RBFOX1: variants seen among roughly 807,000 people sequenced by gnomAD.
The protein encoded by RBFOX1 is RNA binding fox-1 homolog 1, also known as RNA binding protein fox-1 homolog 1.
In RBFOX1, 8 loss-of-function variants were observed where a neutral mutation model predicts 57.7. The observed-to-expected ratio is 0.14, with a 90% CI of 0.08 to 0.25. The LOEUF is 0.25. Ranked by LOEUF, RBFOX1 falls within the 10% of genes least tolerant of loss-of-function variation. RBFOX1 has a pLI of 1.00. For missense variants in RBFOX1, 611 were observed against 548.5 expected, an observed-to-expected ratio of 1.11 and a Z score of -1.14; for synonymous variants, 326 against 222.4, an observed-to-expected ratio of 1.47 and a Z score of -4.15.
intron 3 of RBFOX1, among the ~76,000 whole-genome samples, chr16:6,806,272 C>A (rs888717712): frequency 6.6e-6 from 1 of 152,056 alleles, no homozygotes; most frequent in East Asian, 1.9e-4. Context: ...CTTTTCCTTC[C>A]TGAAAGTCAT....
At position 7,639,081 on chromosome 16, in the gene RBFOX1, G is replaced by C. The variant is rs569008190; in HGVS notation, c.757+8398G>C. The stretch of plus-strand genomic sequence containing the variant: ...GATTTAAATGATACAAAATGATCTT[G>C]ACTTAAATTTGATCAAGATACAGGA... On this transcript the variant is annotated intron_variant, in intron 11 of 15. Coordinates refer to ENST00000550418, the MANE Select transcript of RBFOX1 (RefSeq NM_018723.4). 2.0e-5 allele frequency among the ~76,000 whole-genome samples: 3 copies of C among 152,212 alleles called. No individual in the cohort carries two copies. In the East Asian group the frequency reaches 5.8e-4, roughly 29 times the overall value.
At chr16:6,789,490 T>A (rs2082536904) in intron 3 of RBFOX1, among the ~76,000 whole-genome samples, 1 of 152,096 alleles carries the variant, frequency 6.6e-6, no homozygotes, top group Non-Finnish European at 1.5e-5. Flanking sequence ...AGAGAAGCAG[T>A]CATTTCATTC....
chr16:7,538,748 G>C (rs1482526216), intron 5 of RBFOX1, among the ~76,000 whole-genome samples: 3 of 152,124 alleles, frequency 2.0e-5, no homozygotes, highest in Non-Finnish European at 4.4e-5. Flanking sequence ...GTAGAGATCA[G>C]CTTGGTACAT....
At chr16:6,978,329 G>A (rs1464800970) in intron 3 of RBFOX1, among the ~76,000 whole-genome samples, 1 of 152,142 alleles carries the variant, frequency 6.6e-6, no homozygotes, top group African/African-American at 2.4e-5. Flanking sequence ...TTTTATCCCG[G>A]TGCTCTATTT....
At chr16:6,615,405 A>G (rs1240103893) in intron 2 of RBFOX1, among the ~76,000 whole-genome samples, 2 of 152,116 alleles carry the variant, frequency 1.3e-5, no homozygotes, top group African/African-American at 2.4e-5. Flanking sequence ...CCCCGTCTCT[A>G]CTAAAAATAC....
At chr16:6,123,789 C>T (rs2096568822) in intron 1 of RBFOX1, among the ~76,000 whole-genome samples, 1 of 152,158 alleles carries the variant, frequency 6.6e-6, no homozygotes. Flanking sequence ...CCTGTAATCC[C>T]AGCTCCTCAG....
intron 1 of RBFOX1, among the ~76,000 whole-genome samples, chr16:5,431,965 G>C (rs1267936929): frequency 6.6e-6 from 1 of 152,134 alleles, no homozygotes; most frequent in African/African-American, 2.4e-5. Context: ...GGGGTGTTGA[G>C]GGGGGTGTCT....
At chr16:5,715,415 C>A (rs1009613784) in intron 3 of RBFOX1, among the ~76,000 whole-genome samples, 3 of 152,136 alleles carry the variant, frequency 2.0e-5, no homozygotes, top group Non-Finnish European at 4.4e-5. Context: ...TTGACATGCA[C>A]CACATTGAAG....
intron 14 of RBFOX1, among the ~76,000 whole-genome samples, chr16:7,706,812 G>T (rs2082604389): frequency 6.6e-6 from 1 of 152,132 alleles, no homozygotes; most frequent in Admixed American, 6.6e-5. Context: ...CAGTACCAAG[G>T]TTATAGTTTT....
intron 4 of RBFOX1, among the ~76,000 whole-genome samples, chr16:7,308,796 C>G (rs1454791454): frequency 6.6e-6 from 1 of 152,192 alleles, no homozygotes; most frequent in African/African-American, 2.4e-5. Context: ...GGGAGGGTGG[C>G]CCCATGCACC....
At chr16:5,474,365 C>G (rs1054440439) in intron 2 of RBFOX1, among the ~76,000 whole-genome samples, 4 of 152,122 alleles carry the variant, frequency 2.6e-5, no homozygotes, top group African/African-American at 7.2e-5. Flanking sequence ...AAAAAATACC[C>G]CTGGACGGCT....
intron 3 of RBFOX1, among the ~76,000 whole-genome samples, chr16:6,677,825 C>T (rs930031627): frequency 6.6e-6 from 1 of 152,118 alleles, no homozygotes; most frequent in African/African-American, 2.4e-5. Flanking sequence ...TTTTATGTAT[C>T]TACCAGTGAC....
At chr16:6,440,964 G>A (rs567067243) in intron 2 of RBFOX1, among the ~76,000 whole-genome samples, 11 of 152,286 alleles carry the variant, frequency 7.2e-5, no homozygotes, top group African/African-American at 2.6e-4. Context: ...GGTCTAGGCT[G>A]CGTCTGTGGA....
At position 6,487,066 on chromosome 16, in the gene RBFOX1, A is replaced by G. The variant is rs1384151246; in HGVS notation, c.-63-167537A>G. On this transcript the variant is annotated intron_variant, in intron 2 of 15. Coordinates refer to ENST00000550418, the MANE Select transcript of RBFOX1 (RefSeq NM_018723.4). ...ATTCAGCAACTATAATGTCCCAAAC[A>G]GTTTTCAGGGTGTGTTTTTATTAAG... Among the ~76,000 whole-genome samples the G allele has an allele frequency of 3.9e-5, 6 of 151,920 alleles. No individual in the cohort carries two copies. In the East Asian group the frequency reaches 9.6e-4, roughly 24 times the overall value.
intron 4 of RBFOX1, among the ~76,000 whole-genome samples, chr16:7,462,371 T>C (rs1183140154): frequency 6.6e-6 from 1 of 152,204 alleles, no homozygotes; most frequent in Non-Finnish European, 1.5e-5. Context: ...GGTGGGCTCC[T>C]TTAATCCCAG....
At chr16:7,611,518 G>A (rs901617155) in intron 10 of RBFOX1, among the ~76,000 whole-genome samples, 2 of 151,576 alleles carry the variant, frequency 1.3e-5, no homozygotes, top group African/African-American at 4.9e-5. Context: ...GGCAGAGGTT[G>A]CAGTGAGCCA....
chr16:5,754,537 AG>A lies in RBFOX1; in HGVS notation c.319-112765del, dbSNP rs1182128947. On this transcript the variant is annotated intron_variant, in intron 3 of 19. Transcript: ENST00000641259. ...CGTTCAGCATATGGAGGATCCCGCC[AG>A]CCTCTGAGTTCCCTTAGTATTTATT... Among the ~76,000 whole-genome samples the A allele has an allele frequency of 3.0e-5, 4 of 135,202 alleles. No homozygotes were observed. In the Admixed American group the frequency reaches 3.1e-4, roughly 10 times the overall value. 88.7% of individuals were successfully genotyped at this position (135,202 alleles called of 152,430 possible). A position where few individuals can be genotyped will look rare whatever the true frequency, so the allele number is the denominator to read the frequency against.
chr16:5,574,107 T>A (rs1303497729), intron 2 of RBFOX1, among the ~76,000 whole-genome samples: 1 of 152,234 alleles, frequency 6.6e-6, no homozygotes, highest in East Asian at 1.9e-4. Flanking sequence ...TGGAGTAACT[T>A]GTACAATAGG....
intron 4 of RBFOX1, among the ~76,000 whole-genome samples, chr16:7,377,304 C>A (rs1382976377): frequency 2.0e-5 from 3 of 152,180 alleles, no homozygotes; most frequent in African/African-American, 4.8e-5. Context: ...TGGTCCGTAT[C>A]ACCCACGTGA....
Sources: allele counts gnomAD v4.1 joint callset (sites outside exome capture counted in the v4.1 genomes callset), GRCh38; gene constraint gnomAD v4.1.1; transcripts MANE v1.5; gene names NCBI Gene and HGNC (gene_info 2026-07-23, HGNC 2026-07-21).